LEPR: variants seen among roughly 807,000 people sequenced by gnomAD.
LEPR encodes the protein OB receptor.
In LEPR, 56 loss-of-function variants were observed where a neutral mutation model predicts 114.7. The ratio of observed to expected loss-of-function variants is 0.49; its 90% confidence interval spans 0.39 to 0.61. The LOEUF (loss-of-function observed/expected upper bound fraction) is 0.61, where lower values mean the gene tolerates loss of function less well. Among genes scored for constraint, LEPR ranks in the 20% least tolerant of loss-of-function variants. LEPR has a pLI of 0.00. For missense variants in LEPR, 1,202 were observed against 1,352.9 expected, an observed-to-expected ratio of 0.89 and a Z score of 1.75; for synonymous variants, 443 against 461.4, an observed-to-expected ratio of 0.96 and a Z score of 0.51.
chr1:65,540,405 GGTGCCCTCCCT>G (rs1651108417), intron 2 of LEPR, among the ~76,000 whole-genome samples: 1 of 152,114 alleles, frequency 6.6e-6, no homozygotes, highest in Non-Finnish European at 1.5e-5. Flanking sequence ...CGAATGGCTT[GGTGCCCTCCCT>G]GTGGTAATGA....
At chr1:65,607,052 G>C (rs1391653069) in intron 11 of LEPR, among the ~76,000 whole-genome samples, 1 of 152,128 alleles carries the variant, frequency 6.6e-6, no homozygotes, top group African/African-American at 2.4e-5. Context: ...TTTTCCCTGT[G>C]AATCATAACA....
At chr1:65,628,117 T>C (rs892184780) in intron 19 of LEPR, among the ~76,000 whole-genome samples, 8 of 152,162 alleles carry the variant, frequency 5.3e-5, no homozygotes, top group Non-Finnish European at 1.5e-5. Flanking sequence ...AAACATTTAT[T>C]TAAAACCACT....
chr1:65,588,407 A>G (rs529126536), intron 5 of LEPR, among the ~76,000 whole-genome samples: 1 of 152,114 alleles, frequency 6.6e-6, no homozygotes, highest in Admixed American at 6.6e-5. Context: ...AAATAGTTTT[A>G]TTGAGGTATA....
At chr1:65,502,392 T>TA (rs1042522240) in intron 2 of LEPR, among the ~76,000 whole-genome samples, 7 of 151,786 alleles carry the variant, frequency 4.6e-5, no homozygotes, top group African/African-American at 9.7e-5. Flanking sequence ...CCCAGAACTG[T>TA]AAAAAAACAC....
chr1:65,445,225 C>T (rs555310928), intron 2 of LEPR, among the ~76,000 whole-genome samples: 1 of 152,280 alleles, frequency 6.6e-6, no homozygotes, highest in East Asian at 1.9e-4. Context: ...AGTCAAAAAG[C>T]CCTTTGCCAA....
intron 10 of LEPR, 126 bp downstream of exon 10, chr1:65,602,086 A>G (rs1458343783): frequency 1.2e-6 from 1 of 867,820 alleles, no homozygotes; most frequent in Non-Finnish European, 1.9e-6. Context: ...TAATATAATG[A>G]ATCAGGAAAT....
chr1:65,592,570 T>G (rs1280282458), intron 5 of LEPR, 87 bp from the exon 6 acceptor site: 21 of 1,447,688 alleles, frequency 1.5e-5, no homozygotes, highest in Non-Finnish European at 1.6e-5. Context: ...AATAGTTTAC[T>G]TCAATTAGTA....
intron 2 of LEPR, among the ~76,000 whole-genome samples, chr1:65,451,198 T>A (rs369979587): frequency 2.0e-5 from 3 of 152,142 alleles, no homozygotes; most frequent in East Asian, 3.8e-4. Context: ...GATGAGTAGG[T>A]TGCGAAAATT....
intron 2 of LEPR, among the ~76,000 whole-genome samples, chr1:65,527,003 A>G (rs1348657561): frequency 6.6e-6 from 1 of 152,244 alleles, no homozygotes; most frequent in Non-Finnish European, 1.5e-5. Context: ...ATTTATATGA[A>G]TATTTACACC....
At chr1:65,498,942 G>A (rs193021616) in intron 2 of LEPR, among the ~76,000 whole-genome samples, 10 of 152,164 alleles carry the variant, frequency 6.6e-5, no homozygotes, top group Admixed American at 5.2e-4. Context: ...CAGGAATCAA[G>A]GCACAGTTTT....
Position 65,456,272 on chromosome 1 carries a change from C to T in LEPR, c.-21+30894C>T, listed in dbSNP as rs547950660. ...GTGGCTCACGCTGGGAGCTGTAGACCAGAGCTGTTCCTATTCGGCCATCTT... is the reference window on the plus strand; with the variant it reads ...GTGGCTCACGCTGGGAGCTGTAGACTAGAGCTGTTCCTATTCGGCCATCTT... On this transcript the variant is annotated intron_variant, in intron 2 of 19. Transcript: ENST00000349533. Among the ~76,000 whole-genome samples the T allele has an allele frequency of 1.6e-4, 25 of 152,122 alleles. No homozygotes were observed. The South Asian group carries it at 5.0e-3, about 30-fold the overall frequency.
intron 4 of LEPR, among the ~76,000 whole-genome samples, chr1:65,571,183 A>G (rs1570720955): frequency 6.6e-6 from 1 of 152,286 alleles, no homozygotes; most frequent in African/African-American, 2.4e-5. Flanking sequence ...CTCTGAAAGA[A>G]TATACGTTTT....
chr1:65,438,812 A>G (rs1646607166), intron 2 of LEPR, among the ~76,000 whole-genome samples: 1 of 152,180 alleles, frequency 6.6e-6, no homozygotes, highest in Non-Finnish European at 1.5e-5. Context: ...TTTTATTCTA[A>G]GCCAAATCAG....
At position 65,530,209 on chromosome 1, in the gene LEPR, C is replaced by T. The variant is rs370337965; in HGVS notation, c.-20-35337C>T. Among the ~76,000 whole-genome samples the T allele has an allele frequency of 2.6e-5, 4 of 152,276 alleles. No individual in the cohort carries two copies. In the South Asian group the frequency reaches 6.2e-4, roughly 24 times the overall value. On this transcript the variant is annotated intron_variant, in intron 2 of 19. Coordinates refer to ENST00000349533, the MANE Select transcript of LEPR (RefSeq NM_002303.6). ...AGGCCCCAAACCTTGGAGTCATCTT[C>T]GATTCCTCCTATTCTCTCATACCTC...
chr1:65,561,673 T>C (rs1653310374), intron 2 of LEPR, among the ~76,000 whole-genome samples: 1 of 22,942 alleles, frequency 4.4e-5, no homozygotes, highest in East Asian at 3.5e-4. Context: ...CTTTCCTGCT[T>C]TCTCTTGTGG....
chr1:65,549,598 A>T (rs890697677), intron 2 of LEPR, among the ~76,000 whole-genome samples: 8 of 152,116 alleles, frequency 5.3e-5, no homozygotes, highest in Admixed American at 5.2e-4. Flanking sequence ...CTTCCAGTTG[A>T]TCGCATTGGC....
rs746584040 is a variant in LEPR, at chr1:65,633,936, T to G, written c.2674-2255T>G. ...GACGGGACCAGAAGGGAACATCGAC[T>G]TCTAATCCAGCTTTCTTGTTTAATT... On this transcript the variant is annotated intron_variant, in intron 19 of 19. Transcript: ENST00000349533. The surrounding 1 kb of genome is among the most constrained non-coding windows in gnomAD (Gnocchi z 4.1). 5.5e-5 allele frequency: 54 copies of G among 985,318 alleles called. No individual in the cohort carries two copies. The highest frequency in any genetic ancestry group is 6.4e-5 in the Non-Finnish European group (53 of 829,950). The allele number at this position is 985,318 out of a possible 1,614,324, so 61.0% of individuals were successfully genotyped here. A position where few individuals can be genotyped will look rare whatever the true frequency, so the allele number is the denominator to read the frequency against.
chr1:65,502,931 C>T (rs779876906), intron 2 of LEPR, among the ~76,000 whole-genome samples: 5 of 148,950 alleles, frequency 3.4e-5, no homozygotes, highest in African/African-American at 7.5e-5. Flanking sequence ...AAAACCAGTC[C>T]CCAGAATGAA....
intron 16 of LEPR, among the ~76,000 whole-genome samples, 182 bp downstream of exon 16, chr1:65,618,328 C>CTCTTCTCTTT (rs1553172528): frequency 6.6e-6 from 1 of 151,932 alleles, no homozygotes; most frequent in African/African-American, 2.4e-5. Context: ...CTCTTCTCTT[C>CTCTTCTCTTT]TCTTTTCTTT....
Sources: allele counts gnomAD v4.1 joint callset (sites outside exome capture counted in the v4.1 genomes callset), GRCh38; gene constraint gnomAD v4.1.1; non-coding constraint Gnocchi (gnomAD v3.1); transcripts MANE v1.5; gene names NCBI Gene and HGNC (gene_info 2026-07-23, HGNC 2026-07-21).